The following TLL1 variants were observed in gnomAD, a reference collection of about 807,000 sequenced individuals.
The protein encoded by TLL1 is tolloid-like protein 1.
In TLL1, 49 loss-of-function variants were observed where a neutral mutation model predicts 128.2. That is an observed-to-expected ratio of 0.38 (90% CI 0.30 to 0.48). TLL1 has a LOEUF of 0.48. Among genes scored for constraint, TLL1 ranks in the 20% least tolerant of loss-of-function variants. The probability of loss-of-function intolerance (pLI) is 0.96; values close to 1 mark genes in which losing one functional copy is unlikely to be tolerated. For synonymous variants in TLL1, 454 were observed against 418.8 expected (o/e 1.08, Z -1.03); for missense variants, 1,123 against 1,242.0 (o/e 0.90, Z 1.44).
intron 5 of TLL1, among the ~76,000 whole-genome samples, chr4:165,999,500 C>T (rs1463797486): frequency 6.6e-6 from 1 of 152,058 alleles, no homozygotes; most frequent in Admixed American, 6.5e-5. Flanking sequence ...ACGAGAACAG[C>T]ACAGGGGAGA....
chr4:165,907,514 T>G (rs1732316839), intron 1 of TLL1, among the ~76,000 whole-genome samples: 1 of 152,074 alleles, frequency 6.6e-6, no homozygotes, highest in Admixed American at 6.6e-5. Context: ...CAGATTAGTT[T>G]AATAAAACGT....
At chr4:165,953,176 C>A (rs1167997954) in intron 1 of TLL1, among the ~76,000 whole-genome samples, 1 of 152,116 alleles carries the variant, frequency 6.6e-6, no homozygotes, top group Admixed American at 6.6e-5. Flanking sequence ...TGAGTGACTT[C>A]TACATGTTGA....
chr4:166,017,198 T>C (rs1400591265), intron 8 of TLL1, among the ~76,000 whole-genome samples: 1 of 152,190 alleles, frequency 6.6e-6, no homozygotes, highest in African/African-American at 2.4e-5. Context: ...TATTTGGTCT[T>C]CTGTTCCTAA....
chr4:165,969,572 A>T (rs969994971), intron 1 of TLL1, among the ~76,000 whole-genome samples: 2 of 152,122 alleles, frequency 1.3e-5, no homozygotes, highest in African/African-American at 4.8e-5. Flanking sequence ...CGTATGAAAA[A>T]TGTCTTCTCT....
intron 1 of TLL1, among the ~76,000 whole-genome samples, chr4:165,914,558 T>C (rs1010474013): frequency 2.6e-5 from 4 of 152,324 alleles, no homozygotes; most frequent in African/African-American, 7.2e-5. Flanking sequence ...CACAATTTCA[T>C]AGATGCTCAC....
In TLL1 at chr4:165,989,483, A is replaced by G. The variant is rs767237908; in HGVS notation, c.272A>G (p.His91Arg). The part of the protein sequence containing the change: ...LTQNPFGNLG[H>R]TTGGLGDHAM... ...CAGAACCCCTTTGGAAACCTTGGAC[A>G]TACCACAGGTATGGTTGATTGTTTC... is the stretch of plus-strand genomic sequence containing the variant. Residue 91 changes from histidine (H) to arginine (R), a missense_variant, in exon 2 of 21, where the codon CAT (histidine) becomes CGT (arginine). Physicochemically the swap from His to Arg is conservative, Grantham distance 29. This residue lies in a region of TLL1 where 480 missense variants were observed against 542.4 expected (regional missense o/e 0.89). Coordinates refer to ENST00000061240, the MANE Select transcript of TLL1 (RefSeq NM_012464.5). 2 of 1,609,570 alleles carry G rather than the reference A, an allele frequency of 1.2e-6. No homozygotes were observed. The highest frequency in any genetic ancestry group is 1.7e-6 in the Non-Finnish European group (2 of 1,176,358).
intron 1 of TLL1, among the ~76,000 whole-genome samples, chr4:165,903,915 T>C (rs1258721999): frequency 6.6e-6 from 1 of 152,104 alleles, no homozygotes; most frequent in African/African-American, 2.4e-5. Context: ...ATATAGGGTT[T>C]TTTTGGTATA....
At chr4:165,939,076 G>C (rs1265579375) in intron 1 of TLL1, among the ~76,000 whole-genome samples, 2 of 151,740 alleles carry the variant, frequency 1.3e-5, no homozygotes, top group Non-Finnish European at 2.9e-5. Flanking sequence ...ATGATATTAA[G>C]TTTGAAGTGC....
intron 1 of TLL1, among the ~76,000 whole-genome samples, chr4:165,957,119 T>G (rs1347204683): frequency 6.6e-6 from 1 of 152,042 alleles, no homozygotes; most frequent in African/African-American, 2.4e-5. Flanking sequence ...CCATCTCAGA[T>G]GTGATGATAC....
intron 1 of TLL1, among the ~76,000 whole-genome samples, chr4:165,877,327 A>T (rs1229160622): frequency 6.6e-6 from 1 of 152,248 alleles, no homozygotes; most frequent in East Asian, 1.9e-4. Flanking sequence ...CATTAGGACA[A>T]AATATAGGTA....
chr4:165,937,862 C>G (rs867798833), intron 1 of TLL1, among the ~76,000 whole-genome samples: 2,404 of 129,438 alleles, frequency 0.019, 81 homozygotes, highest in African/African-American at 0.061. Flanking sequence ...CACCCCCCCC[C>G]CAAAAAAAAG....
chr4:166,003,857 A>G (rs1737279429), intron 6 of TLL1, among the ~76,000 whole-genome samples: 1 of 151,970 alleles, frequency 6.6e-6, no homozygotes, highest in Non-Finnish European at 1.5e-5. Context: ...CTATTGAGCC[A>G]TAAATTAATA....
At chr4:166,025,538 A>G in intron 9 of TLL1, 107 bp downstream of exon 9, 2 of 893,750 alleles carry the variant, frequency 2.2e-6, no homozygotes, top group Non-Finnish European at 3.5e-6. Flanking sequence ...TGAGTTTTCA[A>G]ATGGACTAAA....
intron 1 of TLL1, among the ~76,000 whole-genome samples, chr4:165,927,643 G>A (rs954926551): frequency 1.3e-5 from 2 of 152,092 alleles, no homozygotes; most frequent in African/African-American, 4.8e-5. Context: ...TGTTCATCTA[G>A]GGCGGTTATT....
intron 1 of TLL1, among the ~76,000 whole-genome samples, chr4:165,932,629 G>A (rs1016237887): frequency 6.8e-6 from 1 of 147,888 alleles, no homozygotes; most frequent in Non-Finnish European, 1.5e-5. Flanking sequence ...TGATATTTAA[G>A]CTTCAGATTT....
intron 16 of TLL1, among the ~76,000 whole-genome samples, chr4:166,074,465 G>A (rs1740930273): frequency 6.6e-6 from 1 of 151,306 alleles, no homozygotes; most frequent in Admixed American, 6.6e-5. Context: ...ATATATTGAA[G>A]GATATCCCTC....
intron 17 of TLL1, 137 bp downstream of exon 17, chr4:166,075,140 C>T (rs1032326769): frequency 8.3e-7 from 1 of 1,207,182 alleles, no homozygotes; most frequent in Non-Finnish European, 1.2e-6. Flanking sequence ...AAACAAAATT[C>T]TGTGTAATGT....
intron 1 of TLL1, among the ~76,000 whole-genome samples, chr4:165,980,557 T>G (rs535049490): frequency 3.3e-5 from 5 of 152,178 alleles, no homozygotes; most frequent in Non-Finnish European, 7.3e-5. Flanking sequence ...GAGTTGTATG[T>G]AGTTAGCACC....
intron 19 of TLL1, among the ~76,000 whole-genome samples, 178 bp from the exon 20 acceptor site, chr4:166,099,099 G>C (rs1364837558): frequency 1.3e-5 from 2 of 152,066 alleles, no homozygotes; most frequent in Non-Finnish European, 2.9e-5. Context: ...CCATGTCTGG[G>C]GCCTGGGTGG....
Sources: gnomAD v4.1 joint callset for allele counts (sites outside exome capture counted in the v4.1 genomes callset) on GRCh38, gnomAD v4.1.1 for gene constraint, gnomAD v4.1.1 regional missense constraint, MANE v1.5 for transcripts, NCBI Gene and HGNC (gene_info 2026-07-23, HGNC 2026-07-21) for gene names.